Variants in NCOA4 observed in about 807,000 individuals in gnomAD.
The protein encoded by NCOA4 is 70 kDa AR-activator.
In NCOA4, 31 loss-of-function variants were observed where a neutral mutation model predicts 69.5. That is an observed-to-expected ratio of 0.45 (90% CI 0.34 to 0.60). The LOEUF is 0.60. Among genes scored for constraint, NCOA4 ranks in the 20% least tolerant of loss-of-function variants. NCOA4 has a pLI of 0.02. For missense variants in NCOA4, 600 were observed against 719.2 expected (o/e 0.83, Z 1.90); for synonymous variants, 228 against 252.4 (o/e 0.90, Z 0.92).
chr10:46,017,573 A>G (rs1839637664), intron 1 of NCOA4, among the ~76,000 whole-genome samples: 1 of 152,160 alleles, frequency 6.6e-6, no homozygotes, highest in Non-Finnish European at 1.5e-5. Context: ...TATAACAGAT[A>G]TAGAGATACA....
intron 1 of NCOA4, among the ~76,000 whole-genome samples, chr10:46,029,270 A>G (rs908928822): frequency 1.3e-5 from 2 of 152,238 alleles, no homozygotes; most frequent in African/African-American, 2.4e-5. Context: ...GCTCCCTGGA[A>G]GGCAGGAAAG....
Position 46,012,070 on chromosome 10 carries a change from G to GAAAAAAAAAAAAAAAAAAAAAAAAAAA in NCOA4, c.714+786_714+812dup, listed in dbSNP as rs71026286. On this transcript the variant is annotated intron_variant, in intron 7 of 9. Coordinates refer to ENST00000581486, the MANE Select transcript of NCOA4 (RefSeq NM_001145263.2). ...AGCAAGACTCGGTCTCAAAAAGAAA[G>GAAAAAAAAAAAAAAAAAAAAAAAAAAA]AAAAAAAAAAAAAAAAAAAAAAAAA... Among the ~76,000 whole-genome samples, 12 of 44,530 alleles carry GAAAAAAAAAAAAAAAAAAAAAAAAAAA rather than the reference G, an allele frequency of 2.7e-4. 2 individuals are homozygous for GAAAAAAAAAAAAAAAAAAAAAAAAAAA. The highest frequency in any genetic ancestry group is 3.3e-4 in the Non-Finnish European group (8 of 24,396). 29.2% of individuals were successfully genotyped at this position (44,530 alleles called of 152,430 possible).
chr10:46,023,794 T>C (rs1455940186), intron 1 of NCOA4, among the ~76,000 whole-genome samples: 1 of 152,258 alleles, frequency 6.6e-6, no homozygotes, highest in Admixed American at 6.5e-5. Context: ...CCTGGCAATA[T>C]AGCCCTACCT....
intron 1 of NCOA4, chr10:46,019,287 G>A (rs1590170600): frequency 7.2e-6 from 7 of 973,300 alleles, no homozygotes; most frequent in Non-Finnish European, 8.5e-6. Context: ...GCATTAGTGT[G>A]CACTTGGAAC....
Position 46,012,981 on chromosome 10 carries a change from G to A in NCOA4, c.616C>T (p.Leu206Phe), listed in dbSNP as rs1839325763. The A allele has an allele frequency of 1.2e-6, 2 of 1,614,184 alleles. No individual in the cohort carries two copies. The highest frequency in any genetic ancestry group is 1.7e-6 in the Non-Finnish European group (2 of 1,180,022). ...IVAVPFSEWLLGSKPASGYQA... is the reference protein window; with the variant it reads ...IVAVPFSEWLFGSKPASGYQA... ...TAACCACTGGCAGGTTTGCTTCCAA[G>A]GAGCCATTCGCTGAAAGGGACAGCT... Residue 206 changes from leucine (L) to phenylalanine (F), a missense_variant, in exon 7 of 10, where the codon CTT becomes TTT. Transcript: ENST00000581486.
chr10:46,025,331 C>T (rs969240072), intron 1 of NCOA4, among the ~76,000 whole-genome samples: 1 of 152,146 alleles, frequency 6.6e-6, no homozygotes, highest in Non-Finnish European at 1.5e-5. Context: ...TTGGATGGTG[C>T]CCACACACAC....
At chr10:46,014,391 C>T in intron 5 of NCOA4, 53 bp downstream of exon 5, 1 of 1,297,712 alleles carries the variant, frequency 7.7e-7, no homozygotes, top group Non-Finnish European at 1.1e-6. Context: ...TTAAGACCAG[C>T]TGTGAGGCCA....
chr10:46,006,729 C>T lies in NCOA4; in HGVS notation c.1840-132G>A, dbSNP rs139701971. ...TACATTGTATTTTTTACAAATTAAG[C>T]ATTTGTGTCATGAACTATGCCCATT... On this transcript the variant is annotated intron_variant, in intron 9 of 9. Coordinates refer to ENST00000581486, the MANE Select transcript of NCOA4 (RefSeq NM_001145263.2). The T allele has an allele frequency of 2.7e-5, 23 of 839,654 alleles. No homozygotes were observed. In the East Asian group the frequency reaches 5.9e-4, roughly 21 times the overall value. The allele number at this position is 839,654 out of a possible 1,614,324, so 52.0% of individuals were successfully genotyped here. A position where few individuals can be genotyped will look rare whatever the true frequency, so the allele number is the denominator to read the frequency against.
chr10:46,007,828 A>G (rs536616685), intron 9 of NCOA4, among the ~76,000 whole-genome samples: 8 of 152,066 alleles, frequency 5.3e-5, no homozygotes, highest in South Asian at 2.1e-4. Context: ...GGCTCAAGCA[A>G]TCTTCCTACC....
rs782806543 is a variant in NCOA4, at chr10:46,010,463, G to T, written c.1458C>A (p.Phe486Leu). 7 of 1,614,166 alleles carry T rather than the reference G, an allele frequency of 4.3e-6. No individual in the cohort carries two copies. The highest frequency in any genetic ancestry group is 1.6e-4 in the Middle Eastern group (1 of 6,062). ...ACAAGGGGCTGTTCTTTATGACTTG[G>T]AAGGAATCAGCAATTCTAGAAGGAG... ...AMTPSRIADS[F>L]QVIKNSPLSE... Residue 486 changes from phenylalanine (F) to leucine (L), a missense_variant, in exon 8 of 10, where the codon TTC becomes TTA. Phe to Leu is a conservative substitution (Grantham distance 22, BLOSUM62 0). Coordinates refer to ENST00000581486, the MANE Select transcript of NCOA4 (RefSeq NM_001145263.2).
chr10:46,013,119 C>G, intron 6 of NCOA4, 93 bp from the exon 7 acceptor site: 1 of 1,233,454 alleles, frequency 8.1e-7, no homozygotes, highest in Non-Finnish European at 1.2e-6. Context: ...GCCACTGACC[C>G]TGGGCAAATC....
chr10:46,008,494 G>C (rs1332403393), intron 9 of NCOA4, among the ~76,000 whole-genome samples: 2 of 152,206 alleles, frequency 1.3e-5, no homozygotes, highest in Non-Finnish European at 1.5e-5. Flanking sequence ...TAGAAGTGGA[G>C]CCTGAATATG....
intron 1 of NCOA4, among the ~76,000 whole-genome samples, chr10:46,028,343 A>G (rs184134620): frequency 4.6e-5 from 7 of 152,292 alleles, no homozygotes; most frequent in Non-Finnish European, 7.4e-5. Context: ...CAGAAAACAT[A>G]CTAGAAGGTA....
At chr10:46,029,783 GT>G (rs1840358523) in intron 1 of NCOA4, among the ~76,000 whole-genome samples, 1 of 152,068 alleles carries the variant, frequency 6.6e-6, no homozygotes, top group African/African-American at 2.4e-5. Context: ...TATGATTATT[GT>G]TTTCCCCACA....
intron 1 of NCOA4, among the ~76,000 whole-genome samples, chr10:46,019,756 G>A (rs782816172): frequency 7.9e-5 from 12 of 152,324 alleles, no homozygotes; most frequent in Middle Eastern, 3.4e-3. Flanking sequence ...TGTAGGATGA[G>A]ATTTAAAAGT....
intron 1 of NCOA4, among the ~76,000 whole-genome samples, chr10:46,021,881 C>T (rs1221248793): frequency 6.6e-6 from 1 of 152,120 alleles, no homozygotes; most frequent in Non-Finnish European, 1.5e-5. Flanking sequence ...ATCGCTTGAA[C>T]CTGGGAGGCG....
At position 46,023,137 on chromosome 10, in the gene NCOA4, T is replaced by C. The variant is rs755372117; in HGVS notation, c.-14-6443A>G. ...GGCATTTCTAATACGAAAGCAACAG[T>C]GACTCATGCGGCTTTCTAGACTTCC... On this transcript the variant is annotated intron_variant, in intron 1 of 9. Transcript: ENST00000581486. 4.7e-4 allele frequency among the ~76,000 whole-genome samples: 72 copies of C among 152,274 alleles called. 1 individual carries two copies. The highest frequency in any genetic ancestry group is 8.4e-4 in the Non-Finnish European group (57 of 68,012).
At chr10:46,027,138 G>A (rs1324435439) in intron 1 of NCOA4, among the ~76,000 whole-genome samples, 1 of 151,854 alleles carries the variant, frequency 6.6e-6, no homozygotes. Flanking sequence ...GGGCGTTGTG[G>A]CGGGTGCCTG....
chr10:46,022,447 T>A (rs782056689), intron 1 of NCOA4: 1 of 466,750 alleles, frequency 2.1e-6, no homozygotes, highest in South Asian at 1.6e-5. Context: ...CTTCCGTCTT[T>A]TTTTTAAAGG....
Sources: allele counts gnomAD v4.1 joint callset (sites outside exome capture counted in the v4.1 genomes callset), GRCh38; gene constraint gnomAD v4.1.1; transcripts MANE v1.5; gene names NCBI Gene and HGNC (gene_info 2026-07-23, HGNC 2026-07-21).